Variants in RTTN observed in about 807,000 individuals in gnomAD.
The protein encoded by RTTN is rotatin.
In RTTN, 182 loss-of-function variants were observed where a neutral mutation model predicts 269.2. The ratio of observed to expected loss-of-function variants is 0.68; its 90% CI spans 0.60 to 0.76. The LOEUF (loss-of-function observed/expected upper bound fraction) is 0.76, where lower values mean the gene tolerates loss of function less well. RTTN is among the 30% of genes least tolerant of loss of function. The pLI is 0.00. For synonymous variants in RTTN, 1,006 were observed against 963.5 expected, an observed-to-expected ratio of 1.04 and a Z score of -0.82; for missense variants, 2,545 against 2,608.6, an observed-to-expected ratio of 0.98 and a Z score of 0.53.
chr18:70,029,666 T>C (rs939634457), intron 42 of RTTN, among the ~76,000 whole-genome samples: 5 of 152,216 alleles, frequency 3.3e-5, no homozygotes, highest in African/African-American at 9.6e-5. Context: ...TAATAAATTA[T>C]AGTTGTTACA....
chr18:70,111,937 A>G (rs2059478361), intron 27 of RTTN, among the ~76,000 whole-genome samples: 1 of 152,236 alleles, frequency 6.6e-6, no homozygotes, highest in Non-Finnish European at 1.5e-5. Flanking sequence ...AGGGAAGCCC[A>G]TCAGACTAAC....
chr18:70,031,012 AG>A, intron 40 of RTTN, 31 bp from the exon 41 acceptor site: 1 of 1,487,342 alleles, frequency 6.7e-7, no homozygotes, highest in East Asian at 2.3e-5. Flanking sequence ...ACTGCCTTGA[AG>A]AAATATTTAA....
At position 70,135,213 on chromosome 18, in the gene RTTN, T is replaced by C. The variant is rs35139926; in HGVS notation, c.2856A>G (p.Leu952=). The change falls in exon 22 of 49, where the codon TTA becomes TTG. Residue 952 remains leucine (L), a synonymous_variant. Coordinates refer to ENST00000640769, the MANE Select transcript of RTTN (RefSeq NM_173630.4). ...TEVGALFCLL[L]FDEVSRMDMW... ...TATCCATTCTCGATACTTCATCAAATAATAGAAGACAAAATAGTGCTCCAA... is the reference window on the plus strand; with the variant it reads ...TATCCATTCTCGATACTTCATCAAACAATAGAAGACAAAATAGTGCTCCAA... 34,599 of 1,542,264 alleles carry C rather than the reference T, an allele frequency of 0.022. 495 individuals are homozygous for C. The highest frequency in any genetic ancestry group is 0.025 in the Non-Finnish European group (28,235 of 1,152,390).
chr18:70,073,800 C>T (rs941236516), intron 34 of RTTN, 106 bp downstream of exon 34: 9 of 746,840 alleles, frequency 1.2e-5, no homozygotes, highest in Non-Finnish European at 2.0e-5. Context: ...TCGAATAAAT[C>T]ATAGCTGTTA....
At chr18:70,029,579 C>G (rs1191108721) in intron 42 of RTTN, among the ~76,000 whole-genome samples, 1 of 151,936 alleles carries the variant, frequency 6.6e-6, no homozygotes, top group African/African-American at 2.4e-5. Context: ...AGTTGTGTGA[C>G]TATGCTGTAA....
In RTTN at chr18:70,149,167, A is replaced by C. The variant is rs372295432; in HGVS notation, c.2173-130T>G. On this transcript the variant is annotated intron_variant, in intron 16 of 48. Transcript: ENST00000640769. ...TTGGATTCAGTTGAATAAAATCATT[A>C]TTTTTTAAAATAACTTCTATGAGCC... The C allele has an allele frequency of 7.3e-5, 55 of 754,594 alleles. No homozygotes were observed. The African/African-American group carries it at 9.2e-4, about 13-fold the overall frequency. 46.7% of individuals were successfully genotyped at this position (754,594 alleles called of 1,614,324 possible). A position where few individuals can be genotyped will look rare whatever the true frequency, so the allele number is the denominator to read the frequency against.
intron 43 of RTTN, among the ~76,000 whole-genome samples, chr18:70,026,715 TTAAA>T (rs1205535100): frequency 3.9e-5 from 6 of 152,322 alleles, no homozygotes; most frequent in African/African-American, 1.4e-4. Context: ...CTGCCCCCTC[TTAAA>T]TGTTCCTGTT....
chr18:70,138,444 G>GCTTTTGAAT (rs2060177387), intron 21 of RTTN: 2 of 152,106 alleles, frequency 1.3e-5, no homozygotes, highest in African/African-American at 4.8e-5. Flanking sequence ...CTTGAAATGT[G>GCTTTTGAAT]CTTTTGAATC....
chr18:70,153,645 T>C (rs959813103), intron 14 of RTTN, among the ~76,000 whole-genome samples: 1 of 152,200 alleles, frequency 6.6e-6, no homozygotes, highest in African/African-American at 2.4e-5. Flanking sequence ...TACATTTAGG[T>C]AGGTAAAGCT....
At chr18:70,136,163 T>C (rs1164160271) in intron 21 of RTTN, among the ~76,000 whole-genome samples, 1 of 152,140 alleles carries the variant, frequency 6.6e-6, no homozygotes. Flanking sequence ...AATTAACTTA[T>C]AATAAAAGAC....
chr18:70,162,372 A>C lies in RTTN; in HGVS notation c.1929+3690T>G, dbSNP rs537431707. 2.0e-5 allele frequency among the ~76,000 whole-genome samples: 3 copies of C among 152,288 alleles called. No homozygotes were observed. The East Asian group carries it at 5.8e-4, about 29-fold the overall frequency. Reference sequence around the variant, plus strand: ...GGCCTACTTCACAAGGGAAGGTGGGAAGAGAACGTATTAGCCTATTCTCAC... The same window carrying C: ...GGCCTACTTCACAAGGGAAGGTGGGCAGAGAACGTATTAGCCTATTCTCAC... On this transcript the variant is annotated intron_variant, in intron 14 of 48. Coordinates refer to ENST00000640769, the MANE Select transcript of RTTN (RefSeq NM_173630.4).
chr18:70,137,523 T>C (rs1175210277), intron 21 of RTTN, among the ~76,000 whole-genome samples: 2 of 152,088 alleles, frequency 1.3e-5, no homozygotes, highest in East Asian at 3.9e-4. Flanking sequence ...TGCTGTTTAA[T>C]AAAATCTCCC....
chr18:70,118,005 T>A (rs191875678), intron 26 of RTTN, among the ~76,000 whole-genome samples: 66 of 151,818 alleles, frequency 4.3e-4, no homozygotes, highest in African/African-American at 1.4e-3. Flanking sequence ...AGGACATACA[T>A]AACAATAAAC....
At position 70,076,204 on chromosome 18, in the gene RTTN, A is replaced by C. The variant is rs542314370; in HGVS notation, c.4375-663T>G. ...CTTTTCCTGGAGTATCTAATAGCAA[A>C]AAGCAAGCAATGAGGATTGGTTTGA... On this transcript the variant is annotated intron_variant, in intron 32 of 48. Coordinates refer to ENST00000640769, the MANE Select transcript of RTTN (RefSeq NM_173630.4). Among the ~76,000 whole-genome samples the C allele has an allele frequency of 3.9e-5, 6 of 152,208 alleles. No individual in the cohort carries two copies. The East Asian group carries it at 9.6e-4, about 24-fold the overall frequency.
intron 28 of RTTN, among the ~76,000 whole-genome samples, chr18:70,106,628 CAG>C (rs1433081751): frequency 2.6e-5 from 4 of 151,508 alleles, no homozygotes; most frequent in Non-Finnish European, 5.9e-5. Context: ...ACTGAAAATT[CAG>C]AGATGTGGGA....
At chr18:70,090,184 T>C (rs1300191723) in intron 30 of RTTN, among the ~76,000 whole-genome samples, 2 of 152,198 alleles carry the variant, frequency 1.3e-5, no homozygotes, top group African/African-American at 4.8e-5. Context: ...TCCTGGATTC[T>C]GTAAGCAAAT....
intron 14 of RTTN, among the ~76,000 whole-genome samples, chr18:70,153,972 C>G (rs2060608316): frequency 6.6e-6 from 1 of 151,990 alleles, no homozygotes; most frequent in Non-Finnish European, 1.5e-5. Flanking sequence ...AAATAGTTAA[C>G]AAGAAAATAA....
chr18:70,150,684 T>A lies in RTTN; in HGVS notation c.1979A>T (p.Asn660Ile), dbSNP rs755371922. 1.2e-6 allele frequency: 2 copies of A among 1,610,624 alleles called. No homozygotes were observed. Among genetic ancestry groups the A allele is most frequent in the Non-Finnish European group, 1.7e-6 (2 of 1,177,122 alleles). Residue 660 changes from asparagine (N) to isoleucine (I), a missense_variant, in exon 15 of 49, where the codon AAT becomes ATT. Physicochemically the swap from Asn to Ile is moderately radical, Grantham distance 149. Transcript: ENST00000640769. ...NVTKPVSSLC[N>I]GIHFLLHPKV... ...TGGATGAAGTAGAAAATGAATTCCA[T>A]TGCAAAGTGAAGACACGGGTTTAGT...
At chr18:70,102,670 T>A (rs965597716) in intron 28 of RTTN, among the ~76,000 whole-genome samples, 6 of 152,326 alleles carry the variant, frequency 3.9e-5, no homozygotes, top group South Asian at 4.1e-4. Flanking sequence ...CTAGCATCAA[T>A]GGTCTTTACA....
Sources: gnomAD v4.1 joint callset for allele counts (sites outside exome capture counted in the v4.1 genomes callset) on GRCh38, gnomAD v4.1.1 for gene constraint, MANE v1.5 for transcripts, NCBI Gene and HGNC (gene_info 2026-07-23, HGNC 2026-07-21) for gene names.